Variants in CABP4 observed in about 807,000 individuals in gnomAD.
CABP4 encodes the protein calcium binding protein 4.
Under a neutral mutation model 30.7 loss-of-function variants are expected in CABP4, and 30 were observed. That is an observed-to-expected ratio of 0.98 (90% CI 0.73 to 1.33). The LOEUF (loss-of-function observed/expected upper bound fraction) is 1.33. CABP4 is among the 40% of genes most tolerant of loss of function. CABP4 has a pLI of 0.00. For missense variants in CABP4, 424 were observed against 395.5 expected (o/e 1.07, Z -0.61); for synonymous variants, 161 against 159.2 (o/e 1.01, Z -0.08).
intron 3 of CABP4, among the ~76,000 whole-genome samples, chr11:67,456,674 T>C (rs1864819575): frequency 6.6e-6 from 1 of 152,350 alleles, no homozygotes; most frequent in African/African-American, 2.4e-5. Flanking sequence ...TTGAGGACCC[T>C]GGCTCGGGAT....
rs1425014765 is a variant in CABP4, at chr11:67,456,338, A to T, written c.437A>T (p.Asp146Val). ...TTCGAGGAGTTTGACACTGACCGTG[A>T]CGGCTACATCAGCCACCGGGAGCTG... ...AAFEEFDTDRDGYISHRELGD... is the reference protein window; with the variant it reads ...AAFEEFDTDRVGYISHRELGD... Residue 146 changes from aspartate to valine, a missense_variant, in exon 3 of 6, where the codon GAC becomes GTC. Transcript: ENST00000325656. 1.2e-6 allele frequency: 2 copies of T among 1,613,618 alleles called. No homozygotes were observed. Among genetic ancestry groups the T allele is most frequent in the Non-Finnish European group, 1.7e-6 (2 of 1,179,960 alleles).
intron 3 of CABP4, 23 bp downstream of exon 3, chr11:67,456,465 C>T: frequency 6.2e-7 from 1 of 1,605,662 alleles, no homozygotes. Flanking sequence ...GCCCGCCCGC[C>T]CGGGCAGCCT....
At chr11:67,456,915 A>C (rs1864831699) in intron 3 of CABP4, among the ~76,000 whole-genome samples, 1 of 151,910 alleles carries the variant, frequency 6.6e-6, no homozygotes, top group Non-Finnish European at 1.5e-5. Context: ...ATGCCTTGCG[A>C]CTCAGTGTCT....
At chr11:67,454,887 C>G (rs967429592), upstream of CABP4, among the ~76,000 whole-genome samples, 1 of 152,204 alleles carries the variant, frequency 6.6e-6, no homozygotes, top group Non-Finnish European at 1.5e-5. Flanking sequence ...TTCACACACC[C>G]TCTGCTCTGG....
In CABP4 at chr11:67,455,794, G is replaced by A; in HGVS notation, c.366+5G>A. 1.3e-6 allele frequency: 2 copies of A among 1,563,364 alleles called. No individual in the cohort carries two copies. The highest frequency in any genetic ancestry group is 8.7e-7 in the Non-Finnish European group (1 of 1,154,346). Reference sequence around the variant, plus strand: ...CTCAATCGAGTCTTCGGGAAGGTTAGGTGGGACCTGGATTGGGCTGGGGGT... The same window carrying A: ...CTCAATCGAGTCTTCGGGAAGGTTAAGTGGGACCTGGATTGGGCTGGGGGT... On this transcript the variant is annotated splice_donor_5th_base_variant and intron_variant, in intron 1 of 5. Coordinates refer to ENST00000325656, the MANE Select transcript of CABP4 (RefSeq NM_145200.5).
upstream of CABP4, chr11:67,452,550 G>A (rs747098423): frequency 2.0e-5 from 32 of 1,606,700 alleles, no homozygotes; most frequent in Middle Eastern, 1.7e-4. Context: ...GCTCCATGCC[G>A]GGCCTGGGAG....
Position 67,455,535 on chromosome 11 carries a change from A to AGGAG in CABP4, c.112_113insGGAG (p.Thr38ArgfsTer36), listed in dbSNP as rs1565160142. The AGGAG allele has an allele frequency of 1.2e-6, 2 of 1,603,294 alleles. No homozygotes were observed. The highest frequency in any genetic ancestry group is 2.2e-5 in the East Asian group (1 of 44,604). On this transcript the variant is annotated frameshift_variant, in exon 1 of 6. Coordinates refer to ENST00000325656, the MANE Select transcript of CABP4 (RefSeq NM_145200.5). LOFTEE classifies it high-confidence loss of function. ...GAGTGATGCAGAGGAGCCCCCGTTG[A>AGGAG]CCAGGAAGAGGAGCAAGAAGGAGAG...
At chr11:67,456,551 G>T (rs1864811865) in intron 3 of CABP4, 109 bp downstream of exon 3, 2 of 1,370,296 alleles carry the variant, frequency 1.5e-6, no homozygotes, top group South Asian at 2.4e-5. Flanking sequence ...TGGGAGTGAG[G>T]GAGGGTGGCG....
intron 4 of CABP4, 106 bp from the exon 5 acceptor site, chr11:67,458,265 A>T: frequency 1.0e-6 from 1 of 967,944 alleles, no homozygotes. Context: ...CTCAAAAAAT[A>T]AAATAAAAAT....
At chr11:67,452,550 G>T (rs747098423), upstream of CABP4, 1 of 1,606,702 alleles carries the variant, frequency 6.2e-7, no homozygotes, top group Non-Finnish European at 8.5e-7. Flanking sequence ...GCTCCATGCC[G>T]GGCCTGGGAG....
chr11:67,456,060 G>A, intron 1 of CABP4, 128 bp from the exon 2 acceptor site: 1 of 1,560,684 alleles, frequency 6.4e-7, no homozygotes, highest in Non-Finnish European at 8.8e-7. Flanking sequence ...GTCCCACGAG[G>A]CTTCAGGGTC....
At chr11:67,456,505 C>T in intron 3 of CABP4, 63 bp downstream of exon 3, 1 of 1,587,420 alleles carries the variant, frequency 6.3e-7, no homozygotes, top group Non-Finnish European at 8.5e-7. Context: ...GAGGGGCTGG[C>T]AGGAGGTGGC....
chr11:67,458,945 G>C lies in CABP4; in HGVS notation c.*286G>C. 2 of 529,140 alleles carry C rather than the reference G, an allele frequency of 3.8e-6. No individual in the cohort carries two copies. The highest frequency in any genetic ancestry group is 3.1e-5 in the Admixed American group (1 of 31,896). The allele number at this position is 529,140 out of a possible 1,614,324, so 32.8% of individuals were successfully genotyped here. A position where few individuals can be genotyped will look rare whatever the true frequency, so the allele number is the denominator to read the frequency against. On this transcript the variant is annotated 3_prime_UTR_variant, in exon 6 of 6. Coordinates refer to ENST00000325656, the MANE Select transcript of CABP4 (RefSeq NM_145200.5). Reference sequence around the variant, plus strand: ...TCTCTCCAGACCTCTGGGAGGTAGGGAGTTCCCTGGCACTGGCAGCATTCA... The same window carrying C: ...TCTCTCCAGACCTCTGGGAGGTAGGCAGTTCCCTGGCACTGGCAGCATTCA...
chr11:67,455,314 G>C, upstream of CABP4: 1 of 1,431,402 alleles, frequency 7.0e-7, no homozygotes, highest in Non-Finnish European at 9.3e-7. Context: ...CTCAGAGCCC[G>C]ATCCTAGGCT....
In CABP4 at chr11:67,457,612, T is replaced by G; in HGVS notation, c.581T>G (p.Ile194Arg). 6.2e-7 allele frequency: 1 copy of G among 1,605,266 alleles called. No individual in the cohort carries two copies. Among genetic ancestry groups the G allele is most frequent in the South Asian group, 1.1e-5 (1 of 89,208 alleles). ...RVDFEEFVEL[I>R]GPKLREETAH... ...GACTTTGAGGAGTTTGTAGAACTGA[T>G]AGGCCCAAAGCTGAGGGAGGAGACG... Residue 194 changes from isoleucine (I) to arginine (R), a missense_variant, in exon 4 of 6, where the codon ATA becomes AGA. Physicochemically the swap from Ile to Arg is moderately conservative, Grantham distance 97. Coordinates refer to ENST00000325656, the MANE Select transcript of CABP4 (RefSeq NM_145200.5).
At chr11:67,453,743 A>AC (rs1220688107), upstream of CABP4, 3 of 151,868 alleles carry the variant, frequency 2.0e-5, no homozygotes, top group African/African-American at 7.3e-5. Flanking sequence ...AGGGAAGAGT[A>AC]CCCCTACCCC....
At position 67,461,090 on chromosome 11, in the gene CABP4, A is replaced by G. The variant is rs1374728652; in HGVS notation, c.*2431A>G. Among the ~76,000 whole-genome samples, 1 of 152,106 alleles carries G rather than the reference A, an allele frequency of 6.6e-6. No homozygotes were observed. The highest frequency in any genetic ancestry group is 2.4e-5 in the African/African-American group (1 of 41,404). On this transcript the variant is annotated 3_prime_UTR_variant, in exon 6 of 6. Coordinates refer to ENST00000325656, the MANE Select transcript of CABP4 (RefSeq NM_145200.5). ...GGCAGGAGGATCACTTGAGGCCAGG[A>G]GTTTGAGACCAGCCTAACAGCAAGA...
At chr11:67,457,491 G>A in intron 3 of CABP4, 82 bp from the exon 4 acceptor site, 1 of 1,172,230 alleles carries the variant, frequency 8.5e-7, no homozygotes. Flanking sequence ...CTGGGGGTGG[G>A]GGTGCCTGGC....
intron 5 of CABP4, 48 bp from the exon 6 acceptor site, chr11:67,458,582 TG>T (rs750333534): frequency 6.2e-6 from 10 of 1,614,132 alleles, no homozygotes; most frequent in Non-Finnish European, 8.5e-6. Flanking sequence ...CAGCACCTCC[TG>T]GGATCCCTGA....
Sources: allele counts gnomAD v4.1 joint callset (sites outside exome capture counted in the v4.1 genomes callset), GRCh38; gene constraint gnomAD v4.1.1; transcripts MANE v1.5; gene names NCBI Gene and HGNC (gene_info 2026-07-23, HGNC 2026-07-21).